The following CLASP1 variants were observed in gnomAD, a reference collection of about 807,000 sequenced individuals.
CLASP1 encodes cytoplasmic linker associated protein 1.
Under a neutral mutation model 192.3 loss-of-function variants are expected in CLASP1, and 38 were observed. That is an observed-to-expected ratio of 0.20 (90% CI 0.15 to 0.26). The LOEUF is 0.26. CLASP1 is among the 10% of genes least tolerant of loss of function. CLASP1 has a pLI of 1.00. For synonymous variants in CLASP1, 691 were observed against 712.8 expected (o/e 0.97, Z 0.49); for missense variants, 1,433 against 1,932.5 (o/e 0.74, Z 4.85).
At chr2:121,636,054 T>G (rs542015611) in intron 1 of CLASP1, among the ~76,000 whole-genome samples, 1 of 152,140 alleles carries the variant, frequency 6.6e-6, no homozygotes, top group African/African-American at 2.4e-5. Context: ...TAATAAATTT[T>G]GAGGCCGGGC....
chr2:121,512,011 T>C (rs1189677011), intron 7 of CLASP1, among the ~76,000 whole-genome samples: 1 of 152,222 alleles, frequency 6.6e-6, no homozygotes, highest in Non-Finnish European at 1.5e-5. Flanking sequence ...ACCTGATGAA[T>C]GTTTATAAAT....
At chr2:121,501,363 T>G (rs561582514) in intron 8 of CLASP1, among the ~76,000 whole-genome samples, 1 of 152,170 alleles carries the variant, frequency 6.6e-6, no homozygotes, top group Non-Finnish European at 1.5e-5. Flanking sequence ...ACCCCACTCA[T>G]CACGAGTGCA....
At chr2:121,497,663 G>C (rs1419637780) in intron 8 of CLASP1, among the ~76,000 whole-genome samples, 1 of 152,114 alleles carries the variant, frequency 6.6e-6, no homozygotes, top group Non-Finnish European at 1.5e-5. Flanking sequence ...AAGCCAAGAA[G>C]GTGCAGCCCA....
At chr2:121,618,897 T>G (rs1257839144) in intron 1 of CLASP1, among the ~76,000 whole-genome samples, 1 of 152,174 alleles carries the variant, frequency 6.6e-6, no homozygotes, top group Non-Finnish European at 1.5e-5. Flanking sequence ...AAGTCAACAG[T>G]GCTTTGGTCT....
intron 35 of CLASP1, 21 bp from the exon 37 acceptor site, chr2:121,365,305 T>C (rs904080943): frequency 2.5e-6 from 4 of 1,603,122 alleles, no homozygotes; most frequent in African/African-American, 1.3e-5. Context: ...ACACCAGACA[T>C]ACGTCACCTC....
At chr2:121,567,003 G>A (rs573111909) in intron 2 of CLASP1, among the ~76,000 whole-genome samples, 1 of 152,304 alleles carries the variant, frequency 6.6e-6, no homozygotes, top group East Asian at 1.9e-4. Context: ...TAGTTCAGGG[G>A]AAGAGTTTGG....
intron 18 of CLASP1, 113 bp downstream of exon 18, chr2:121,448,162 TA>T: frequency 1.2e-6 from 1 of 868,844 alleles, no homozygotes; most frequent in Non-Finnish European, 1.9e-6. Flanking sequence ...CATTCAAGCC[TA>T]AGAAGGAACT....
intron 2 of CLASP1, among the ~76,000 whole-genome samples, chr2:121,604,312 T>A (rs149855951): frequency 2.0e-5 from 3 of 152,192 alleles, no homozygotes; most frequent in African/African-American, 7.2e-5. Flanking sequence ...TAAGAAGCAA[T>A]TGATAATTTC....
At chr2:121,389,553 T>C (rs1202516424) in intron 30 of CLASP1, among the ~76,000 whole-genome samples, 3 of 151,562 alleles carry the variant, frequency 2.0e-5, no homozygotes, top group Non-Finnish European at 4.4e-5. Flanking sequence ...CAGCCTGGAA[T>C]TGTAGCAGGG....
chr2:121,376,059 A>C (rs934777134), intron 34 of CLASP1, among the ~76,000 whole-genome samples: 2 of 152,230 alleles, frequency 1.3e-5, no homozygotes, highest in Non-Finnish European at 2.9e-5. Context: ...GAGAAAATGA[A>C]ATTTTTATAT....
At chr2:121,535,958 A>G (rs989080143) in intron 2 of CLASP1, among the ~76,000 whole-genome samples, 1 of 151,586 alleles carries the variant, frequency 6.6e-6, no homozygotes, top group African/African-American at 2.4e-5. Flanking sequence ...CACTGCACCC[A>G]GCCCTATTTT....
intron 37 of CLASP1, among the ~76,000 whole-genome samples, chr2:121,350,747 A>G (rs1213969234): frequency 6.6e-6 from 1 of 152,140 alleles, no homozygotes; most frequent in Non-Finnish European, 1.5e-5. Flanking sequence ...GCCCCATATG[A>G]GCTTTGGCTA....
chr2:121,349,794 C>T (rs2064018814), intron 37 of CLASP1, among the ~76,000 whole-genome samples: 1 of 152,170 alleles, frequency 6.6e-6, no homozygotes, highest in Admixed American at 6.5e-5. Flanking sequence ...CCACAAGACC[C>T]TTTTGTAATA....
rs1432785247 is a variant in CLASP1, at chr2:121,490,193, G to T, written c.712+12974C>A. On this transcript the variant is annotated intron_variant, in intron 8 of 39. Transcript: ENST00000263710. ...CATCCATGATTTTTAGTTACCACAGGAATTATAAAATATTTAAGCATTTCC... is the reference window on the plus strand; with the variant it reads ...CATCCATGATTTTTAGTTACCACAGTAATTATAAAATATTTAAGCATTTCC... 1.8e-5 allele frequency: 7 copies of T among 393,646 alleles called. No individual in the cohort carries two copies. The East Asian group carries it at 5.1e-4, about 28-fold the overall frequency. The allele number at this position is 393,646 out of a possible 1,614,324, so 24.4% of individuals were successfully genotyped here.
At position 121,387,723 on chromosome 2, in the gene CLASP1, T is replaced by C. The variant is rs1474182299; in HGVS notation, c.3267+40A>G. 2.5e-6 allele frequency: 4 copies of C among 1,607,488 alleles called. No individual in the cohort carries two copies. The African/African-American group carries it at 4.0e-5, about 16-fold the overall frequency. On this transcript the variant is annotated intron_variant, in intron 31 of 39. Transcript: ENST00000263710. The stretch of plus-strand genomic sequence containing the variant: ...CTAGATAAGGGCTACGCAGAGGTCA[T>C]GGACATCACATAGGCACCAATCGTG...
intron 37 of CLASP1, among the ~76,000 whole-genome samples, chr2:121,355,970 C>T (rs1226359704): frequency 6.6e-6 from 1 of 152,212 alleles, no homozygotes; most frequent in Non-Finnish European, 1.5e-5. Context: ...CTAAGAAAAG[C>T]GTAATTTTCA....
intron 8 of CLASP1, among the ~76,000 whole-genome samples, chr2:121,494,003 T>C (rs556140056): frequency 6.6e-6 from 1 of 152,268 alleles, no homozygotes; most frequent in Admixed American, 6.5e-5. Context: ...TTGGTAGAAA[T>C]GTTAAATTAG....
intron 1 of CLASP1, among the ~76,000 whole-genome samples, chr2:121,624,825 A>G (rs2106151601): frequency 6.6e-6 from 1 of 152,342 alleles, no homozygotes; most frequent in Admixed American, 6.5e-5. Flanking sequence ...TATAAAGTAC[A>G]TTCACATTGT....
chr2:121,374,818 G>A (rs7599081), intron 34 of CLASP1, among the ~76,000 whole-genome samples: 28,488 of 152,224 alleles, frequency 0.19, 4,791 homozygotes, highest in African/African-American at 0.45. Context: ...CCTAATGCCT[G>A]TAGTTCCACT....
Sources: gnomAD v4.1 joint callset for allele counts (sites outside exome capture counted in the v4.1 genomes callset) on GRCh38, gnomAD v4.1.1 for gene constraint, MANE v1.5 for transcripts, NCBI Gene and HGNC (gene_info 2026-07-23, HGNC 2026-07-21) for gene names.